The following ATP9B variants were observed in gnomAD, a reference collection of about 807,000 sequenced individuals.
ATP9B encodes ATPase phospholipid transporting 9B.
In ATP9B, 110 loss-of-function variants were observed where a neutral mutation model predicts 146.1. The ratio of observed to expected loss-of-function variants is 0.75; its 90% CI spans 0.65 to 0.88. ATP9B has a LOEUF of 0.88. ATP9B is among the 40% of genes least tolerant of loss of function. The pLI is 0.00. For missense variants in ATP9B, 1,499 were observed against 1,496.4 expected (o/e 1.00, Z -0.03); for synonymous variants, 604 against 569.7 (o/e 1.06, Z -0.86).
At chr18:79,118,744 T>G (rs945537117) in intron 4 of ATP9B, among the ~76,000 whole-genome samples, 9 of 152,038 alleles carry the variant, frequency 5.9e-5, no homozygotes, top group Non-Finnish European at 1.3e-4. Flanking sequence ...GCCCCTTTTT[T>G]TCTATTCATA....
rs149013492 is a variant in ATP9B, at chr18:79,277,059, G to T, written c.1274G>T (p.Arg425Leu). ...LFSYIIPISL[R>L]VNLDMGKAVY... The stretch of plus-strand genomic sequence containing the variant: ...CAATGGGTTTTATTTGGCAGTTTGC[G>T]TGTGAACTTGGACATGGGCAAAGCG... The change falls in exon 13 of 30, where the codon CGT becomes CTT. Residue 425 changes from arginine to leucine, a missense_variant. By Grantham distance (102) the Arg-to-Leu change is moderately radical. Transcript: ENST00000426216. 7.4e-6 allele frequency: 12 copies of T among 1,614,048 alleles called. No homozygotes were observed. Among genetic ancestry groups the T allele is most frequent in the African/African-American group, 2.7e-5 (2 of 74,914 alleles).
chr18:79,267,522 G>A (rs2096215346), intron 12 of ATP9B, among the ~76,000 whole-genome samples: 1 of 151,900 alleles, frequency 6.6e-6, no homozygotes, highest in Non-Finnish European at 1.5e-5. Flanking sequence ...TACTACTTTG[G>A]TTGCATTTCA....
intron 13 of ATP9B, among the ~76,000 whole-genome samples, chr18:79,300,153 G>C (rs1367758824): frequency 6.6e-6 from 1 of 152,208 alleles, no homozygotes; most frequent in Non-Finnish European, 1.5e-5. Context: ...GTGGTAAGAG[G>C]GCAGAGCGAA....
chr18:79,124,024 G>A (rs536768177), intron 4 of ATP9B, among the ~76,000 whole-genome samples: 2 of 152,336 alleles, frequency 1.3e-5, no homozygotes, highest in South Asian at 4.1e-4. Context: ...TGTTGGTGAG[G>A]ATGTGGAGAC....
At chr18:79,326,862 C>G (rs889324883) in intron 15 of ATP9B, among the ~76,000 whole-genome samples, 1 of 150,298 alleles carries the variant, frequency 6.7e-6, no homozygotes, top group African/African-American at 2.4e-5. Context: ...GGTGGCCTCC[C>G]TGTGCTGACT....
chr18:79,073,142 A>G (rs1358793539), intron 1 of ATP9B, among the ~76,000 whole-genome samples: 1 of 151,048 alleles, frequency 6.6e-6, no homozygotes, highest in African/African-American at 2.4e-5. Context: ...CTCACTTCCC[A>G]GACTGGGAGG....
chr18:79,213,364 C>T (rs1298516520), intron 10 of ATP9B, among the ~76,000 whole-genome samples: 1 of 151,998 alleles, frequency 6.6e-6, no homozygotes, highest in Non-Finnish European at 1.5e-5. Context: ...TTATTCTTTT[C>T]TCTTAAATTT....
intron 13 of ATP9B, among the ~76,000 whole-genome samples, chr18:79,297,476 A>C (rs1023539898): frequency 1.3e-5 from 2 of 152,222 alleles, no homozygotes; most frequent in African/African-American, 4.8e-5. Flanking sequence ...TGAGGCACTC[A>C]GTAAATATTA....
chr18:79,101,137 G>A (rs1172412155), intron 2 of ATP9B, among the ~76,000 whole-genome samples: 1 of 149,838 alleles, frequency 6.7e-6, no homozygotes, highest in East Asian at 2.0e-4. Flanking sequence ...ATTTCATCAG[G>A]TGTTGATTTT....
At chr18:79,327,221 G>A (rs1317300417) in intron 15 of ATP9B, among the ~76,000 whole-genome samples, 1 of 152,262 alleles carries the variant, frequency 6.6e-6, no homozygotes, top group Admixed American at 6.5e-5. Flanking sequence ...GGCTGAGAGT[G>A]AGGTGGAGGT....
chr18:79,318,599 A>T (rs1452566052), intron 15 of ATP9B, among the ~76,000 whole-genome samples: 1 of 152,242 alleles, frequency 6.6e-6, no homozygotes. Flanking sequence ...GTAGGAATGA[A>T]GGATGTCTGA....
At chr18:79,117,953 A>T (rs1568212338) in intron 4 of ATP9B, 1 of 152,356 alleles carries the variant, frequency 6.6e-6, no homozygotes, top group East Asian at 1.9e-4. Context: ...TATAAAGGTT[A>T]TCTTAATCTG....
At chr18:79,161,392 A>T (rs2094877770) in intron 7 of ATP9B, among the ~76,000 whole-genome samples, 1 of 152,200 alleles carries the variant, frequency 6.6e-6, no homozygotes, top group Non-Finnish European at 1.5e-5. Context: ...CTGCACAGGC[A>T]TGCTGGATTT....
chr18:79,140,502 C>T (rs771533865), intron 5 of ATP9B, among the ~76,000 whole-genome samples: 1 of 151,854 alleles, frequency 6.6e-6, no homozygotes, highest in African/African-American at 2.4e-5. Flanking sequence ...TGGCCAGGCA[C>T]GGTGGCTCAT....
chr18:79,354,079 A>G (rs1250993371), intron 25 of ATP9B: 1 of 152,208 alleles, frequency 6.6e-6, no homozygotes, highest in Non-Finnish European at 1.5e-5. Flanking sequence ...AGTTTTAAAA[A>G]TAGAACGGTC....
intron 19 of ATP9B, 42 bp downstream of exon 19, chr18:79,337,491 G>A: frequency 6.3e-7 from 1 of 1,585,056 alleles, no homozygotes; most frequent in Non-Finnish European, 8.5e-7. Context: ...TGCTTTTGCT[G>A]AAGCAAACAG....
intron 5 of ATP9B, among the ~76,000 whole-genome samples, chr18:79,138,466 G>A (rs1191026245): frequency 6.6e-6 from 1 of 152,082 alleles, no homozygotes; most frequent in African/African-American, 2.4e-5. Flanking sequence ...CCTGCTTAGG[G>A]CTTTGGCACA....
intron 15 of ATP9B, among the ~76,000 whole-genome samples, chr18:79,323,823 G>A (rs948062948): frequency 2.0e-5 from 3 of 152,182 alleles, no homozygotes; most frequent in Non-Finnish European, 4.4e-5. Context: ...GATATTCCCA[G>A]GCGTGGGATT....
chr18:79,155,323 T>C (rs1206997232), intron 7 of ATP9B, among the ~76,000 whole-genome samples: 1 of 152,230 alleles, frequency 6.6e-6, no homozygotes, highest in Non-Finnish European at 1.5e-5. Context: ...GCTGTTTATA[T>C]GACCTGAGCT....
Sources: allele counts gnomAD v4.1 joint callset (sites outside exome capture counted in the v4.1 genomes callset), GRCh38; gene constraint gnomAD v4.1.1; transcripts MANE v1.5; gene names NCBI Gene and HGNC (gene_info 2026-07-23, HGNC 2026-07-21).